Variants in EDIL3 observed in about 807,000 individuals in gnomAD.
EDIL3 encodes the protein EGF like and discoidin domains 3.
Under a neutral mutation model 67.4 loss-of-function variants are expected in EDIL3, and 37 were observed. That is an observed-to-expected ratio of 0.55 (90% CI 0.42 to 0.72). EDIL3 has a LOEUF of 0.72. Among genes scored for constraint, EDIL3 ranks in the 30% least tolerant of loss-of-function variants. EDIL3 has a pLI of 0.00. For synonymous variants in EDIL3, 195 were observed against 196.3 expected (o/e 0.99, Z 0.05); for missense variants, 527 against 586.3 (o/e 0.90, Z 1.04).
intron 3 of EDIL3, among the ~76,000 whole-genome samples, chr5:84,212,212 T>C (rs924018164): frequency 6.6e-6 from 1 of 152,118 alleles, no homozygotes; most frequent in Non-Finnish European, 1.5e-5. Context: ...GATCTTGAGA[T>C]GGGATCATCC....
At chr5:84,113,732 G>A (rs979217376) in intron 5 of EDIL3, among the ~76,000 whole-genome samples, 2 of 152,260 alleles carry the variant, frequency 1.3e-5, no homozygotes, top group East Asian at 1.9e-4. Flanking sequence ...AGCTGAATCC[G>A]CAACAGGAAT....
intron 1 of EDIL3, among the ~76,000 whole-genome samples, chr5:84,324,927 TA>T (rs36022918): frequency 0.088 from 13,134 of 148,946 alleles, 748 homozygotes; most frequent in South Asian, 0.2. Context: ...TTCTCCTGAT[TA>T]AAAAAAAAAA....
At chr5:84,117,011 T>C (rs1378603282) in intron 5 of EDIL3, among the ~76,000 whole-genome samples, 1 of 145,366 alleles carries the variant, frequency 6.9e-6, no homozygotes, top group Non-Finnish European at 1.5e-5. Flanking sequence ...GTATCCAAGT[T>C]AAGTACTTAT....
At chr5:83,978,468 T>C (rs542111167) in intron 9 of EDIL3, among the ~76,000 whole-genome samples, 2 of 151,900 alleles carry the variant, frequency 1.3e-5, no homozygotes, top group Non-Finnish European at 2.9e-5. Context: ...TCCTTCAGAA[T>C]TTTGGAGAAA....
intron 1 of EDIL3, among the ~76,000 whole-genome samples, chr5:84,346,433 A>G (rs1273025894): frequency 6.6e-6 from 1 of 152,116 alleles, no homozygotes; most frequent in East Asian, 1.9e-4. Context: ...ACTATGAGAG[A>G]TGTTCAGATC....
chr5:84,258,152 A>G (rs1310373786), intron 1 of EDIL3, among the ~76,000 whole-genome samples: 1 of 152,218 alleles, frequency 6.6e-6, no homozygotes, highest in Non-Finnish European at 1.5e-5. Context: ...TCTATACATA[A>G]TCATTAGTAG....
chr5:84,133,767 T>C (rs1748040046), intron 5 of EDIL3, among the ~76,000 whole-genome samples: 1 of 151,814 alleles, frequency 6.6e-6, no homozygotes, highest in South Asian at 2.1e-4. Context: ...ATGTAAAATA[T>C]AAAAATAATA....
chr5:84,020,101 C>CA (rs1745688862), intron 9 of EDIL3, among the ~76,000 whole-genome samples: 1 of 127,126 alleles, frequency 7.9e-6, no homozygotes, highest in African/African-American at 2.8e-5. Flanking sequence ...ACGCAACAAA[C>CA]AAAACACTTT....
intron 9 of EDIL3, among the ~76,000 whole-genome samples, chr5:84,056,173 G>C (rs1028988156): frequency 1.3e-5 from 2 of 152,086 alleles, no homozygotes; most frequent in African/African-American, 4.8e-5. Context: ...TCCTTTGTAG[G>C]GACATGGATG....
At chr5:84,029,005 C>T (rs1350090848) in intron 9 of EDIL3, among the ~76,000 whole-genome samples, 1 of 152,138 alleles carries the variant, frequency 6.6e-6, no homozygotes, top group Non-Finnish European at 1.5e-5. Context: ...TGCCTGTAAT[C>T]CCAGCACTTT....
chr5:84,356,897 T>C (rs989768385), intron 1 of EDIL3, among the ~76,000 whole-genome samples: 65 of 142,054 alleles, frequency 4.6e-4, no homozygotes, highest in African/African-American at 8.7e-4. Flanking sequence ...TTCTTTTTTT[T>C]TTTTTTTTTT....
At chr5:84,197,898 C>T (rs994584314) in intron 3 of EDIL3, among the ~76,000 whole-genome samples, 2 of 151,916 alleles carry the variant, frequency 1.3e-5, no homozygotes, top group Non-Finnish European at 2.9e-5. Context: ...CTATTGAATA[C>T]ATATAAACTA....
At chr5:84,218,572 C>T (rs894378009) in intron 3 of EDIL3, among the ~76,000 whole-genome samples, 1 of 152,202 alleles carries the variant, frequency 6.6e-6, no homozygotes, top group African/African-American at 2.4e-5. Flanking sequence ...TAGGTAGCAG[C>T]TCAGCCACAG....
In EDIL3 at chr5:84,329,547, T is replaced by C. The variant is rs138515981; in HGVS notation, c.67+54761A>G. On this transcript the variant is annotated intron_variant, in intron 1 of 10. Coordinates refer to ENST00000296591, the MANE Select transcript of EDIL3 (RefSeq NM_005711.5). ...CACATCATTAATTTATGCAATTTTGTTGGACGTTAGTCTGTTGAATATACC... is the reference window on the plus strand; with the variant it reads ...CACATCATTAATTTATGCAATTTTGCTGGACGTTAGTCTGTTGAATATACC... Among the ~76,000 whole-genome samples, 633 of 152,232 alleles carry C rather than the reference T, an allele frequency of 4.2e-3. 4 individuals carry two copies. Among genetic ancestry groups the C allele is most frequent in the Non-Finnish European group, 6.3e-3 (431 of 67,982 alleles).
intron 1 of EDIL3, among the ~76,000 whole-genome samples, chr5:84,312,790 T>A (rs975862388): frequency 3.9e-5 from 6 of 152,206 alleles, no homozygotes; most frequent in Admixed American, 1.3e-4. Context: ...TTGTCAGCTG[T>A]ACATAAAATA....
intron 3 of EDIL3, among the ~76,000 whole-genome samples, chr5:84,208,461 T>C (rs956232608): frequency 4.0e-5 from 6 of 150,758 alleles, no homozygotes; most frequent in African/African-American, 1.5e-4. Flanking sequence ...GGGTGGATCA[T>C]GAGGTCAGGA....
chr5:83,949,926 T>C (rs1209294488), intron 10 of EDIL3, among the ~76,000 whole-genome samples: 1 of 151,834 alleles, frequency 6.6e-6, no homozygotes, highest in African/African-American at 2.4e-5. Flanking sequence ...TGGTTTACAG[T>C]GGGGTCTTCA....
chr5:84,347,950 G>T (rs1261123612), intron 1 of EDIL3, among the ~76,000 whole-genome samples: 1 of 152,130 alleles, frequency 6.6e-6, no homozygotes, highest in Non-Finnish European at 1.5e-5. Flanking sequence ...CCAGTATGTT[G>T]CTGTTTCATT....
At chr5:84,107,403 C>T (rs1747483881) in intron 5 of EDIL3, among the ~76,000 whole-genome samples, 1 of 151,624 alleles carries the variant, frequency 6.6e-6, no homozygotes, top group Non-Finnish European at 1.5e-5. Flanking sequence ...TATAATACCC[C>T]ATGATATATT....
Sources: allele counts gnomAD v4.1 joint callset (sites outside exome capture counted in the v4.1 genomes callset), GRCh38; gene constraint gnomAD v4.1.1; transcripts MANE v1.5; gene names NCBI Gene and HGNC (gene_info 2026-07-23, HGNC 2026-07-21).